Variants in GALM observed in about 807,000 individuals in gnomAD.
GALM encodes the protein galactose mutarotase.
A neutral mutation model predicts 37.4 loss-of-function variants in GALM; 43 were observed. The observed-to-expected ratio is 1.15, with a 90% confidence interval of 0.90 to 1.48. The LOEUF is 1.48. GALM is among the 40% of genes most tolerant of loss of function. GALM has a pLI of 0.00. For missense variants in GALM, 456 were observed against 419.1 expected (o/e 1.09, Z -0.77); for synonymous variants, 199 against 170.6 (o/e 1.17, Z -1.30).
rs750187952 is a variant in GALM, at chr2:38,731,772, T to C, written c.814T>C (p.Tyr272His). 9.3e-6 allele frequency: 15 copies of C among 1,614,016 alleles called. No homozygotes were observed. The South Asian group carries it at 1.4e-4, about 15-fold the overall frequency. The stretch of plus-strand genomic sequence containing the variant: ...TGCAAGCGGGCGGGTACTAGAAGTA[T>C]ACACCACCCAGCCCGGGGTCCAGTT... The part of the protein sequence containing the change: ...HAASGRVLEV[Y>H]TTQPGVQFYT... Residue 272 changes from tyrosine (Y) to histidine (H), a missense_variant, in exon 6 of 7, where the codon TAC becomes CAC. Tyr to His is a moderately conservative substitution (Grantham distance 83). Transcript: ENST00000272252.
In GALM at chr2:38,694,519, G is replaced by A. The variant is rs566041252; in HGVS notation, c.634+4625G>A. Among the ~76,000 whole-genome samples, 1,191 of 152,102 alleles carry A rather than the reference G, an allele frequency of 7.8e-3. 9 individuals are homozygous for A. The highest frequency in any genetic ancestry group is 0.014 in the Non-Finnish European group (944 of 67,976). On this transcript the variant is annotated intron_variant, in intron 4 of 6. Coordinates refer to ENST00000272252, the MANE Select transcript of GALM (RefSeq NM_138801.3). ...GGGAGAGAGAGAAAGAGGAAGGAAG[G>A]AAAGGAAAAAGGGAAGGAGGGAGAG...
chr2:38,726,376 G>A (rs1169375748), intron 4 of GALM, among the ~76,000 whole-genome samples: 8 of 151,122 alleles, frequency 5.3e-5, no homozygotes, highest in East Asian at 4.1e-4. Flanking sequence ...ACAGGCGCCC[G>A]CCACTACGCC....
chr2:38,726,600 C>G (rs370719083), intron 4 of GALM, among the ~76,000 whole-genome samples: 27 of 151,956 alleles, frequency 1.8e-4, no homozygotes, highest in African/African-American at 6.5e-4. Context: ...CAAAAGTAAA[C>G]CAGACAAATG....
intron 4 of GALM, among the ~76,000 whole-genome samples, chr2:38,725,010 A>T (rs1452572678): frequency 1.3e-5 from 2 of 152,170 alleles, no homozygotes; most frequent in Non-Finnish European, 2.9e-5. Flanking sequence ...CTGTAGTTAT[A>T]CTTTAAGGGA....
At chr2:38,667,064 C>T (rs542061298) in intron 1 of GALM, among the ~76,000 whole-genome samples, 1 of 152,268 alleles carries the variant, frequency 6.6e-6, no homozygotes, top group East Asian at 1.9e-4. Flanking sequence ...TGCGGTTTGG[C>T]TGGGGAGATA....
intron 4 of GALM, among the ~76,000 whole-genome samples, chr2:38,695,414 A>T (rs941602397): frequency 6.6e-6 from 1 of 152,266 alleles, no homozygotes; most frequent in Admixed American, 6.5e-5. Context: ...TATCTGGAGC[A>T]GTCCCTTATG....
At chr2:38,701,196 G>A (rs973147546) in intron 4 of GALM, among the ~76,000 whole-genome samples, 4 of 152,162 alleles carry the variant, frequency 2.6e-5, no homozygotes, top group African/African-American at 9.7e-5. Context: ...TCTCAGGATT[G>A]TAAATATTAC....
intron 4 of GALM, among the ~76,000 whole-genome samples, chr2:38,715,497 G>A (rs117723804): frequency 1.3e-5 from 2 of 152,172 alleles, no homozygotes; most frequent in African/African-American, 2.4e-5. Context: ...AAGTGCAGTG[G>A]TGCAATCACA....
rs778282803 is a variant in GALM at position 38,731,720 on chromosome 2, T to C, written c.777-15T>C. The C allele has an allele frequency of 9.9e-6, 16 of 1,609,682 alleles. No homozygotes were observed. In the African/African-American group the frequency reaches 1.6e-4, roughly 16 times the overall value. On this transcript the variant is annotated splice_polypyrimidine_tract_variant and intron_variant, in intron 5 of 6. Coordinates refer to ENST00000272252, the MANE Select transcript of GALM (RefSeq NM_138801.3). Reference sequence around the variant, plus strand: ...TTTTCTGCCCTGGACTCATGTTGTTTGTATTTCTTACCAGGGTGCATCATG... The same window carrying C: ...TTTTCTGCCCTGGACTCATGTTGTTCGTATTTCTTACCAGGGTGCATCATG...
intron 2 of GALM, among the ~76,000 whole-genome samples, chr2:38,677,039 G>A (rs1295420871): frequency 6.6e-6 from 1 of 152,134 alleles, no homozygotes; most frequent in African/African-American, 2.4e-5. Flanking sequence ...ACATGAAAAC[G>A]ACCATTCTTT....
Position 38,676,009 on chromosome 2 carries a change from C to T in GALM, c.288C>T (p.His96=), listed in dbSNP as rs775815617. 1.2e-5 allele frequency: 19 copies of T among 1,613,936 alleles called. No homozygotes were observed. Among genetic ancestry groups the T allele is most frequent in the Non-Finnish European group, 1.6e-5 (19 of 1,179,996 alleles). Residue 96 remains histidine, a synonymous_variant, in exon 2 of 7, where the codon CAC becomes CAT. Transcript: ENST00000272252. ...TCAAGGTGGATGGGAAGGAGTATCA[C>T]CTGGCCATTAACAAGGAACCCAACA... ...GTFKVDGKEY[H]LAINKEPNSL...
chr2:38,687,161 G>T (rs931881994), intron 3 of GALM, among the ~76,000 whole-genome samples: 1 of 152,112 alleles, frequency 6.6e-6, no homozygotes, highest in Non-Finnish European at 1.5e-5. Flanking sequence ...CAGTCCCAGG[G>T]GCATCTCCAG....
intron 4 of GALM, among the ~76,000 whole-genome samples, chr2:38,727,065 A>C (rs988103838): frequency 6.6e-6 from 1 of 151,582 alleles, no homozygotes; most frequent in Non-Finnish European, 1.5e-5. Flanking sequence ...AAAATACAAA[A>C]ATTGGCTGGG....
intron 4 of GALM, among the ~76,000 whole-genome samples, chr2:38,717,079 C>T (rs907753382): frequency 6.6e-6 from 1 of 151,814 alleles, no homozygotes; most frequent in Non-Finnish European, 1.5e-5. Context: ...GGCAAAACCT[C>T]GTCTCTACTA....
intron 4 of GALM, among the ~76,000 whole-genome samples, chr2:38,714,504 C>T (rs114917914): frequency 0.012 from 1,841 of 152,238 alleles, 46 homozygotes; most frequent in African/African-American, 0.043. Flanking sequence ...TGAGCCACTG[C>T]GCCCGGCTGA....
At chr2:38,714,515 A>C (rs184058361) in intron 4 of GALM, among the ~76,000 whole-genome samples, 2 of 152,124 alleles carry the variant, frequency 1.3e-5, no homozygotes, top group African/African-American at 2.4e-5. Flanking sequence ...GCCCGGCTGA[A>C]CTACACTTTG....
chr2:38,692,879 C>T (rs956107115), intron 4 of GALM, among the ~76,000 whole-genome samples: 2 of 152,112 alleles, frequency 1.3e-5, no homozygotes, highest in African/African-American at 2.4e-5. Flanking sequence ...CAAGCGTGGG[C>T]GGTGCAAGAA....
intron 4 of GALM, among the ~76,000 whole-genome samples, chr2:38,726,300 C>T (rs1666485544): frequency 1.3e-5 from 2 of 150,010 alleles, no homozygotes; most frequent in South Asian, 4.3e-4. Flanking sequence ...GATCTCGGCT[C>T]ACTGCAAGCT....
At chr2:38,702,424 C>A (rs1451836884) in intron 4 of GALM, among the ~76,000 whole-genome samples, 1 of 152,050 alleles carries the variant, frequency 6.6e-6, no homozygotes, top group African/African-American at 2.4e-5. Flanking sequence ...AGCATGCCTC[C>A]CTCACACCCC....
Sources: allele counts gnomAD v4.1 joint callset (sites outside exome capture counted in the v4.1 genomes callset), GRCh38; gene constraint gnomAD v4.1.1; transcripts MANE v1.5; gene names NCBI Gene and HGNC (gene_info 2026-07-23, HGNC 2026-07-21).